The following SKAP1 variants were observed in gnomAD, a reference collection of about 807,000 sequenced individuals.
SKAP1 encodes src kinase associated phosphoprotein 1, also known as src kinase-associated phosphoprotein 1.
In SKAP1, 44 loss-of-function variants were observed where a neutral mutation model predicts 58.5. That is an observed-to-expected ratio of 0.75 (90% CI 0.59 to 0.97). The LOEUF (loss-of-function observed/expected upper bound fraction) is 0.97. Ranked by LOEUF, SKAP1 falls within the 50% of genes least tolerant of loss-of-function variation. SKAP1 has a pLI of 0.00. For missense variants in SKAP1, 390 were observed against 435.2 expected (o/e 0.90, Z 0.92); for synonymous variants, 127 against 149.7 (o/e 0.85, Z 1.11).
At chr17:48,185,422 A>G (rs2064435824) in intron 6 of SKAP1, among the ~76,000 whole-genome samples, 1 of 152,234 alleles carries the variant, frequency 6.6e-6, no homozygotes, top group Admixed American at 6.5e-5. Context: ...GGGAAGTAGC[A>G]GAATAACGTT....
intron 4 of SKAP1, among the ~76,000 whole-genome samples, chr17:48,283,224 G>A (rs1468564720): frequency 4.6e-5 from 7 of 152,170 alleles, no homozygotes; most frequent in African/African-American, 1.7e-4. Context: ...GCAGAGAAAA[G>A]TGATTAGAGT....
intron 4 of SKAP1, among the ~76,000 whole-genome samples, chr17:48,218,089 T>G (rs2064962028): frequency 6.6e-6 from 1 of 152,226 alleles, no homozygotes; most frequent in Non-Finnish European, 1.5e-5. Context: ...TGGGATCAGA[T>G]TTGGTGCAGG....
chr17:48,212,232 A>G (rs2064881609), intron 4 of SKAP1, among the ~76,000 whole-genome samples: 1 of 152,098 alleles, frequency 6.6e-6, no homozygotes, highest in African/African-American at 2.4e-5. Flanking sequence ...TTTTCCACTA[A>G]TGAAGAGTGA....
chr17:48,339,659 T>C (rs1323843107), intron 4 of SKAP1, among the ~76,000 whole-genome samples: 2 of 152,190 alleles, frequency 1.3e-5, no homozygotes, highest in Non-Finnish European at 2.9e-5. Flanking sequence ...CACATTTTAC[T>C]CCAAAGTTGT....
intron 2 of SKAP1, among the ~76,000 whole-genome samples, chr17:48,370,450 G>A (rs921326537): frequency 2.6e-5 from 4 of 152,002 alleles, no homozygotes; most frequent in South Asian, 2.1e-4. Flanking sequence ...GGAGCAGCAC[G>A]TGCCATCACA....
intron 1 of SKAP1, among the ~76,000 whole-genome samples, chr17:48,424,098 A>C (rs1391847359): frequency 1.3e-5 from 2 of 152,214 alleles, no homozygotes; most frequent in East Asian, 3.8e-4. Flanking sequence ...CAAGTGGGAA[A>C]CTGGAAAGTC....
intron 11 of SKAP1, among the ~76,000 whole-genome samples, chr17:48,158,977 A>G (rs201915175): frequency 6.6e-6 from 1 of 151,586 alleles, no homozygotes; most frequent in African/African-American, 2.4e-5. Context: ...AAAAAAAAAA[A>G]AAAAGAAACA....
intron 1 of SKAP1, among the ~76,000 whole-genome samples, chr17:48,398,280 C>G (rs2067447050): frequency 6.6e-6 from 1 of 151,966 alleles, no homozygotes; most frequent in Admixed American, 6.6e-5. Context: ...GAGCACAAAC[C>G]CTATTGTGAA....
intron 2 of SKAP1, among the ~76,000 whole-genome samples, chr17:48,375,269 T>C (rs968444027): frequency 1.3e-5 from 2 of 152,182 alleles, no homozygotes; most frequent in African/African-American, 4.8e-5. Flanking sequence ...ATCAAACTTA[T>C]ATTAAATAAT....
At chr17:48,306,432 C>T (rs1243513467) in intron 4 of SKAP1, among the ~76,000 whole-genome samples, 5 of 152,130 alleles carry the variant, frequency 3.3e-5, no homozygotes, top group Admixed American at 6.5e-5. Context: ...AAATCCACTC[C>T]CAGTTGGTCA....
At chr17:48,433,990 C>T (rs896308450), upstream of SKAP1, among the ~76,000 whole-genome samples, 9 of 152,210 alleles carry the variant, frequency 5.9e-5, no homozygotes, top group Non-Finnish European at 1.2e-4. Context: ...CTGGCTGGCA[C>T]CGCTCTGCCC....
the SKAP1 span, among the ~76,000 whole-genome samples, chr17:48,436,761 G>A: frequency 6.6e-6 from 1 of 151,058 alleles, no homozygotes; most frequent in Non-Finnish European, 1.5e-5. Flanking sequence ...TTTCTCCTCC[G>A]TCTCTTAACC....
chr17:48,317,370 A>T (rs2066303614), intron 4 of SKAP1, among the ~76,000 whole-genome samples: 1 of 152,246 alleles, frequency 6.6e-6, no homozygotes, highest in South Asian at 2.1e-4. Context: ...AAGTAGAACT[A>T]TCACAAACAT....
intron 2 of SKAP1, among the ~76,000 whole-genome samples, chr17:48,379,929 G>A (rs1163601584): frequency 6.6e-6 from 1 of 152,002 alleles, no homozygotes; most frequent in Non-Finnish European, 1.5e-5. Context: ...TCATCCGCCC[G>A]CCTTGGCCTC....
chr17:48,157,536 CT>C (rs35277314), intron 11 of SKAP1, among the ~76,000 whole-genome samples: 16 of 137,354 alleles, frequency 1.2e-4, no homozygotes, highest in Middle Eastern at 4.3e-3. Context: ...TGCCCGGCCT[CT>C]TTTTTTTTTT....
chr17:48,357,368 C>G (rs186254318), intron 3 of SKAP1, among the ~76,000 whole-genome samples: 3 of 152,124 alleles, frequency 2.0e-5, no homozygotes, highest in Admixed American at 6.5e-5. Flanking sequence ...CAGTGGCTCA[C>G]GCCTATAATC....
chr17:48,440,911 G>A, the SKAP1 span, among the ~76,000 whole-genome samples: 1 of 152,150 alleles, frequency 6.6e-6, no homozygotes, highest in Admixed American at 6.5e-5. Flanking sequence ...GAGGCTCAGA[G>A]GGAAATGTAG....
At chr17:48,224,966 G>A (rs2065050440) in intron 4 of SKAP1, among the ~76,000 whole-genome samples, 1 of 152,036 alleles carries the variant, frequency 6.6e-6, no homozygotes, top group Non-Finnish European at 1.5e-5. Flanking sequence ...CTTTTACATA[G>A]CCATATTTGA....
intron 4 of SKAP1, among the ~76,000 whole-genome samples, chr17:48,276,982 A>G (rs2065708840): frequency 6.6e-6 from 1 of 152,242 alleles, no homozygotes; most frequent in South Asian, 2.1e-4. Flanking sequence ...CAATGGAAAT[A>G]GTGTCTGTGA....
Sources: allele counts gnomAD v4.1 joint callset (sites outside exome capture counted in the v4.1 genomes callset), GRCh38; gene constraint gnomAD v4.1.1; transcripts MANE v1.5; gene names NCBI Gene and HGNC (gene_info 2026-07-23, HGNC 2026-07-21).